USP26: variants seen among roughly 807,000 people sequenced by gnomAD.
The protein encoded by USP26 is ubiquitin specific peptidase 26.
For synonymous variants in USP26, 236 were observed against 240.6 expected, an observed-to-expected ratio of 0.98 and a Z score of 0.18; for missense variants, 649 against 642.3, an observed-to-expected ratio of 1.01 and a Z score of -0.11.
chrX:133,081,877 G>A (rs1369435910), intron 5 of USP26, among the ~76,000 whole-genome samples: 2 of 111,846 alleles, frequency 1.8e-5, no homozygotes, highest in Non-Finnish European at 3.8e-5. Context: ...AAAACTGAGC[G>A]GCAACAGTAC....
At chrX:133,035,434 G>A (rs1261135733) in intron 5 of USP26, among the ~76,000 whole-genome samples, 1 of 111,891 alleles carries the variant, frequency 8.9e-6, no homozygotes, top group Non-Finnish European at 1.9e-5. Context: ...GGTCCCAAGG[G>A]GAAGAGTTTC....
chrX:133,053,197 T>C (rs2067465184), intron 5 of USP26, among the ~76,000 whole-genome samples: 1 of 111,735 alleles, frequency 8.9e-6, no homozygotes, highest in South Asian at 3.8e-4. Flanking sequence ...AGCAGGATAT[T>C]AACCATGAGT....
chrX:133,057,389 C>T (rs376700036), intron 5 of USP26, among the ~76,000 whole-genome samples: 1 of 111,480 alleles, frequency 9.0e-6, no homozygotes, highest in South Asian at 3.8e-4. Context: ...AGAAGTTTGT[C>T]GATTTTACAG....
intron 5 of USP26, among the ~76,000 whole-genome samples, chrX:133,064,721 C>A (rs2067505440): frequency 9.0e-6 from 1 of 111,546 alleles, no homozygotes; most frequent in African/African-American, 3.3e-5. Flanking sequence ...GACACAGCTA[C>A]TAAGCAGTAT....
At chrX:133,093,672 A>T (rs928493346) in intron 1 of USP26, among the ~76,000 whole-genome samples, 1 of 110,962 alleles carries the variant, frequency 9.0e-6, no homozygotes, top group Non-Finnish European at 1.9e-5. Flanking sequence ...AGCATTATTT[A>T]ACAGATAATG....
intron 5 of USP26, among the ~76,000 whole-genome samples, chrX:133,048,589 C>T (rs907178156): frequency 2.8e-5 from 3 of 108,552 alleles, no homozygotes; most frequent in Non-Finnish European, 5.7e-5. Flanking sequence ...CTCTGTCGCC[C>T]AGGCTGGAGT....
chrX:133,091,299 C>T (rs1443416490), intron 2 of USP26, 54 bp downstream of exon 2: 1 of 111,692 alleles, frequency 9.0e-6, no homozygotes. Context: ...TCTTTTCCCT[C>T]CTTGTATATA....
intron 5 of USP26, among the ~76,000 whole-genome samples, chrX:133,058,786 C>G (rs1433071200): frequency 9.0e-6 from 1 of 110,850 alleles, no homozygotes; most frequent in Non-Finnish European, 1.9e-5. Flanking sequence ...TGTTGGTAAC[C>G]ATTTTCTATT....
At chrX:133,044,423 C>T (rs2067430650) in intron 5 of USP26, among the ~76,000 whole-genome samples, 1 of 113,189 alleles carries the variant, frequency 8.8e-6, no homozygotes, top group African/African-American at 3.2e-5. Flanking sequence ...GCTTGCGGGC[C>T]AGCTAGAGTT....
At chrX:133,095,185 G>A (rs1004084646) in intron 1 of USP26, among the ~76,000 whole-genome samples, 1 of 110,479 alleles carries the variant, frequency 9.1e-6, no homozygotes, top group Non-Finnish European at 1.9e-5. Flanking sequence ...AATTCTTTTC[G>A]TTATTTGTAA....
In USP26 at chrX:133,063,258, G is replaced by T. The variant is rs2067499667; in HGVS notation, c.-77+20449C>A. ...AAGACCAAACCTACGATTGATTGGG[G>T]TACCTGAAAGTGATGGGGAGAATGG... On this transcript the variant is annotated intron_variant, in intron 5 of 5. Coordinates refer to ENST00000511190, the MANE Select transcript of USP26 (RefSeq NM_031907.3). Among the ~76,000 whole-genome samples the T allele has an allele frequency of 2.7e-5, 3 of 111,392 alleles. No individual in the cohort carries two copies. In the Admixed American group the frequency reaches 2.9e-4, roughly 11 times the overall value.
chrX:133,085,394 C>T (rs1308074064), intron 4 of USP26, among the ~76,000 whole-genome samples: 2 of 112,011 alleles, frequency 1.8e-5, no homozygotes, highest in Non-Finnish European at 3.8e-5. Context: ...TTCCTAGTAC[C>T]AATTCCACAC....
At chrX:133,032,854 C>T (rs1001982955) in intron 5 of USP26, among the ~76,000 whole-genome samples, 1 of 111,428 alleles carries the variant, frequency 9.0e-6, no homozygotes, top group Non-Finnish European at 1.9e-5. Flanking sequence ...GAGTAGGTGT[C>T]CAGCTCTCAT....
chrX:133,052,160 A>AG (rs2067461289), intron 5 of USP26, among the ~76,000 whole-genome samples: 3 of 112,406 alleles, frequency 2.7e-5, no homozygotes, highest in Admixed American at 9.4e-5. Context: ...ATCCTTATGG[A>AG]TGTAGTCCAA....
intron 5 of USP26, among the ~76,000 whole-genome samples, chrX:133,040,662 A>G (rs776787451): frequency 7.2e-5 from 8 of 111,144 alleles, no homozygotes; most frequent in Non-Finnish European, 1.5e-4. Flanking sequence ...TCTGACGATT[A>G]TGTGTCTTGG....
At chrX:133,069,924 A>G in intron 5 of USP26, among the ~76,000 whole-genome samples, 1 of 111,767 alleles carries the variant, frequency 8.9e-6, no homozygotes, top group Admixed American at 9.6e-5. Context: ...TGCAAAATAA[A>G]TGTCCTTGTA....
intron 2 of USP26, among the ~76,000 whole-genome samples, chrX:133,090,982 T>C (rs988475449): frequency 7.1e-5 from 8 of 112,137 alleles, no homozygotes; most frequent in African/African-American, 2.6e-4. Context: ...TGACAATTTT[T>C]AACAGTGTCA....
intron 5 of USP26, among the ~76,000 whole-genome samples, chrX:133,028,995 C>T (rs1339952799): frequency 1.8e-5 from 2 of 112,553 alleles, no homozygotes; most frequent in Admixed American, 9.4e-5. Context: ...GCTAGTGAGG[C>T]TCCTGCAGGC....
At chrX:133,079,757 A>G (rs2067563345) in intron 5 of USP26, among the ~76,000 whole-genome samples, 1 of 112,102 alleles carries the variant, frequency 8.9e-6, no homozygotes, top group Non-Finnish European at 1.9e-5. Flanking sequence ...CAAGAAAGAG[A>G]AAATTATTAA....
Sources: allele counts gnomAD v4.1 joint callset (sites outside exome capture counted in the v4.1 genomes callset), GRCh38; gene constraint gnomAD v4.1.1; transcripts MANE v1.5; gene names NCBI Gene and HGNC (gene_info 2026-07-23, HGNC 2026-07-21).